Variants in STARD13 observed in about 807,000 individuals in gnomAD.
The protein encoded by STARD13 is stAR-related lipid transfer protein 13.
A neutral mutation model predicts 106.4 loss-of-function variants in STARD13; 62 were observed. That is an observed-to-expected ratio of 0.58 (90% CI 0.48 to 0.72). The LOEUF (loss-of-function observed/expected upper bound fraction) is 0.72. Ranked by LOEUF, STARD13 falls within the 30% of genes least tolerant of loss-of-function variation. STARD13 has a pLI of 0.00. For missense variants in STARD13, 1,387 were observed against 1,424.0 expected, an observed-to-expected ratio of 0.97 and a Z score of 0.42; for synonymous variants, 565 against 553.0, an observed-to-expected ratio of 1.02 and a Z score of -0.31.
the STARD13 span, among the ~76,000 whole-genome samples, chr13:33,603,850 G>GA: frequency 3.3e-5 from 5 of 151,888 alleles, no homozygotes; most frequent in Non-Finnish European, 5.9e-5. Context: ...ACTTTAGGAA[G>GA]AAAAAAATCC....
intron 1 of STARD13, among the ~76,000 whole-genome samples, chr13:33,207,033 C>T (rs564660938): frequency 2.5e-4 from 38 of 152,106 alleles, no homozygotes; most frequent in African/African-American, 8.0e-4. Flanking sequence ...ATGCAACATT[C>T]GTATTGTTAT....
chr13:33,285,875 G>T, upstream of STARD13: 2 of 870,076 alleles, frequency 2.3e-6, no homozygotes, highest in Non-Finnish European at 3.1e-6. Context: ...TCAGCCCTAA[G>T]CCCCGACCAG....
At chr13:33,285,100 C>A (rs1891990408) in intron 1 of STARD13, among the ~76,000 whole-genome samples, 1 of 152,130 alleles carries the variant, frequency 6.6e-6, no homozygotes, top group South Asian at 2.1e-4. Context: ...CGCCTCCTCC[C>A]TAATGAAATA....
intron 5 of STARD13, 42 bp downstream of exon 5, chr13:33,128,887 T>C (rs780487480): frequency 1.4e-5 from 21 of 1,551,962 alleles, no homozygotes; most frequent in Middle Eastern, 3.5e-4. Flanking sequence ...ACAATTACTA[T>C]GAAATGGATG....
chr13:33,497,773 A>G, the STARD13 span, among the ~76,000 whole-genome samples: 1 of 152,154 alleles, frequency 6.6e-6, no homozygotes, highest in Non-Finnish European at 1.5e-5. Context: ...ATCCCTACTC[A>G]TTGTGGAGAG....
chr13:33,511,632 A>C, the STARD13 span, among the ~76,000 whole-genome samples: 3 of 152,218 alleles, frequency 2.0e-5, no homozygotes, highest in Admixed American at 6.5e-5. Context: ...AAAAACTAAA[A>C]GATCCAAATA....
At chr13:33,285,177 A>C (rs946212752) in intron 1 of STARD13, among the ~76,000 whole-genome samples, 1 of 152,158 alleles carries the variant, frequency 6.6e-6, no homozygotes, top group Admixed American at 6.5e-5. Flanking sequence ...TAAGATACAC[A>C]CTGAGTAACA....
At chr13:33,494,867 T>C in the STARD13 span, among the ~76,000 whole-genome samples, 2 of 151,962 alleles carry the variant, frequency 1.3e-5, no homozygotes, top group Admixed American at 1.3e-4. Context: ...AAAAAAGAAA[T>C]AACTAGTCCA....
intron 7 of STARD13, among the ~76,000 whole-genome samples, chr13:33,121,582 A>G (rs1048482795): frequency 5.4e-4 from 82 of 151,990 alleles, no homozygotes; most frequent in African/African-American, 1.9e-3. Context: ...AAAAAAAAAA[A>G]AAGTTTCCAA....
At chr13:33,115,297 AC>A (rs1359426740) in intron 8 of STARD13, among the ~76,000 whole-genome samples, 4 of 152,206 alleles carry the variant, frequency 2.6e-5, no homozygotes, top group Non-Finnish European at 5.9e-5. Flanking sequence ...CAGTTTGGAA[AC>A]TTTGACTCTA....
Position 33,264,001 on chromosome 13 carries a change from T to C in STARD13, c.169+21469A>G, listed in dbSNP as rs144524066. Among the ~76,000 whole-genome samples the C allele has an allele frequency of 1.6e-3, 246 of 152,330 alleles. 2 individuals are homozygous for C. Among genetic ancestry groups the C allele is most frequent in the African/African-American group, 5.8e-3 (242 of 41,576 alleles). On this transcript the variant is annotated intron_variant, in intron 1 of 13. Transcript: ENST00000336934. ...ATCATAAAAAGTCACACACCTTGCC[T>C]TGCTCACTCTTGGGATGCAGTCTCC...
At chr13:33,503,520 G>A in the STARD13 span, among the ~76,000 whole-genome samples, 1 of 152,166 alleles carries the variant, frequency 6.6e-6, no homozygotes, top group Admixed American at 6.5e-5. Context: ...TGGGCATTTA[G>A]TGCTATAAAT....
the STARD13 span, chr13:33,611,620 T>C: frequency 6.6e-6 from 1 of 152,214 alleles, no homozygotes; most frequent in Admixed American, 6.5e-5. Flanking sequence ...TTCTGGCACA[T>C]AAACTTGAAT....
the STARD13 span, among the ~76,000 whole-genome samples, chr13:33,512,364 T>A: frequency 6.6e-6 from 1 of 152,178 alleles, no homozygotes; most frequent in Non-Finnish European, 1.5e-5. Flanking sequence ...ATAAATACTG[T>A]TAAAATGCAT....
intron 1 of STARD13, among the ~76,000 whole-genome samples, chr13:33,250,786 A>G (rs1566098424): frequency 6.6e-6 from 1 of 152,228 alleles, no homozygotes; most frequent in Non-Finnish European, 1.5e-5. Context: ...CATCCCTTCC[A>G]GATGTCTTGC....
chr13:33,661,991 G>A, the STARD13 span, among the ~76,000 whole-genome samples: 8 of 151,980 alleles, frequency 5.3e-5, no homozygotes, highest in Non-Finnish European at 7.4e-5. Context: ...GGCTGGTCGC[G>A]GTGGCTCATG....
intron 1 of STARD13, among the ~76,000 whole-genome samples, chr13:33,173,009 C>T (rs1341517118): frequency 6.6e-6 from 1 of 151,782 alleles, no homozygotes; most frequent in Non-Finnish European, 1.5e-5. Flanking sequence ...AAAAAGTAGG[C>T]TTGAGTAGAG....
chr13:33,536,911 C>T, the STARD13 span, among the ~76,000 whole-genome samples: 38,116 of 152,046 alleles, frequency 0.25, 5,708 homozygotes, highest in East Asian at 0.42. Context: ...ATTGTTCTAT[C>T]GGTTTGTTAG....
chr13:33,130,179 T>A lies in STARD13; in HGVS notation c.498A>T (p.Gly166=). ...VDDLYTLLPR[G]DRNGSPGGTG... ...TGCCTCCCGGTGACCCATTTCTGTC[T>A]CCTCGAGGGAGCAGCGTGTAGAGGT... The change falls in exon 5 of 14, where the codon GGA becomes GGT. Residue 166 remains glycine, a synonymous_variant. Coordinates refer to ENST00000336934, the MANE Select transcript of STARD13 (RefSeq NM_178006.4). The surrounding 1 kb of genome is among the most constrained non-coding windows in gnomAD (Gnocchi z 4.1). 3.7e-6 allele frequency: 6 copies of A among 1,613,892 alleles called. No homozygotes were observed. Among genetic ancestry groups the A allele is most frequent in the Non-Finnish European group, 5.1e-6 (6 of 1,180,050 alleles).
Sources: gnomAD v4.1 joint callset for allele counts (sites outside exome capture counted in the v4.1 genomes callset) on GRCh38, gnomAD v4.1.1 for gene constraint, Gnocchi (gnomAD v3.1) non-coding constraint, MANE v1.5 for transcripts, NCBI Gene and HGNC (gene_info 2026-07-23, HGNC 2026-07-21) for gene names.